ROCK2: variants seen among roughly 807,000 people sequenced by gnomAD.
ROCK2 encodes rho-associated protein kinase 2.
ROCK2 carries 61 observed loss-of-function variants against 195.1 expected under a neutral mutation model. The ratio of observed to expected loss-of-function variants is 0.31; its 90% CI spans 0.25 to 0.39. The LOEUF (loss-of-function observed/expected upper bound fraction) is 0.39. Among genes scored for constraint, ROCK2 ranks in the 10% least tolerant of loss-of-function variants. ROCK2 has a pLI of 1.00. For missense variants in ROCK2, 1,109 were observed against 1,637.4 expected, an observed-to-expected ratio of 0.68 and a Z score of 5.57; for synonymous variants, 504 against 545.5, an observed-to-expected ratio of 0.92 and a Z score of 1.06.
At chr2:11,238,057 G>A (rs958607085) in intron 4 of ROCK2, among the ~76,000 whole-genome samples, 2 of 152,220 alleles carry the variant, frequency 1.3e-5, no homozygotes, top group Admixed American at 1.3e-4. Flanking sequence ...CAGGCTGGGC[G>A]ACAGAGTGAG....
chr2:11,197,876 C>CTACT lies in ROCK2; in HGVS notation c.3100-175_3100-172dup, dbSNP rs1475654302. ...ATATTTAAATAATACACCTCCTTTACTACTCATCATCCTTCTCCATCCAAT... is the reference window on the plus strand; with the variant it reads ...ATATTTAAATAATACACCTCCTTTACTACTTACTCATCATCCTTCTCCATCCAAT... On this transcript the variant is annotated intron_variant, in intron 25 of 32. Transcript: ENST00000315872. The surrounding 1 kb of genome is among the most constrained non-coding windows in gnomAD (Gnocchi z 4.9). 2.0e-5 allele frequency among the ~76,000 whole-genome samples: 3 copies of CTACT among 152,186 alleles called. No homozygotes were observed. The highest frequency in any genetic ancestry group is 2.0e-4 in the Admixed American group (3 of 15,274).
At chr2:11,291,171 G>A (rs1208827542) in intron 1 of ROCK2, among the ~76,000 whole-genome samples, 1 of 152,166 alleles carries the variant, frequency 6.6e-6, no homozygotes, top group East Asian at 1.9e-4. Context: ...AACTTTTCCT[G>A]AACACAGAGC....
chr2:11,319,737 T>C (rs928508032), intron 1 of ROCK2, among the ~76,000 whole-genome samples: 1 of 152,140 alleles, frequency 6.6e-6, no homozygotes, highest in Non-Finnish European at 1.5e-5. Flanking sequence ...GGCTGTGGGT[T>C]TGTCATAAAT....
chr2:11,317,271 C>T (rs1668223655), intron 1 of ROCK2, among the ~76,000 whole-genome samples: 1 of 151,434 alleles, frequency 6.6e-6, no homozygotes, highest in African/African-American at 2.4e-5. Flanking sequence ...GATTAATTTA[C>T]CAATCAGAAG....
intron 5 of ROCK2, among the ~76,000 whole-genome samples, chr2:11,231,238 T>G (rs1664997792): frequency 6.6e-6 from 1 of 151,882 alleles, no homozygotes; most frequent in Admixed American, 6.6e-5. Flanking sequence ...GAGTCTCGCT[T>G]TGTCACCCAG....
At position 11,235,047 on chromosome 2, in the gene ROCK2, C is replaced by T. The variant is rs554128085; in HGVS notation, c.723+655G>A. 6.6e-6 allele frequency among the ~76,000 whole-genome samples: 1 copy of T among 152,196 alleles called. No homozygotes were observed. Among genetic ancestry groups the T allele is most frequent in the South Asian group, 2.1e-4 (1 of 4,828 alleles). Reference sequence around the variant, plus strand: ...GACTCCTAGGACCAACAGGGTAATACAAAGGAAACAGAACCGATCCCTCTC... The same window carrying T: ...GACTCCTAGGACCAACAGGGTAATATAAAGGAAACAGAACCGATCCCTCTC... On this transcript the variant is annotated intron_variant, in intron 5 of 32. Coordinates refer to ENST00000315872, the MANE Select transcript of ROCK2 (RefSeq NM_004850.5). The surrounding 1 kb of genome is among the most constrained non-coding windows in gnomAD (Gnocchi z 4.2).
chr2:11,192,172 C>A lies in ROCK2; in HGVS notation c.4139G>T (p.Arg1380Leu). ...CCTAGGTTTGTTTGGGGCAAGCTGT[C>A]GACTTGGCCGTCTAATAGACTGGTT... ...QQNQSIRRPS[R>L]QLAPNKPS The change falls in exon 32 of 33, where the codon CGA becomes CTA. Residue 1380 changes from arginine (R) to leucine (L), a missense_variant. By Grantham distance (102) the Arg-to-Leu change is moderately radical. Transcript: ENST00000315872. This position sits in a 1 kb window ranked among gnomAD's most constrained non-coding sequence, Gnocchi z 5.0. 6.2e-7 allele frequency: 1 copy of A among 1,608,558 alleles called. No homozygotes were observed. Among genetic ancestry groups the A allele is most frequent in the Non-Finnish European group, 8.5e-7 (1 of 1,177,648 alleles).
chr2:11,244,001 T>C (rs1034159329), intron 4 of ROCK2, among the ~76,000 whole-genome samples: 2 of 152,208 alleles, frequency 1.3e-5, no homozygotes, highest in Non-Finnish European at 2.9e-5. Flanking sequence ...TACCTAGCTG[T>C]GTGAAAGGAC....
intron 1 of ROCK2, among the ~76,000 whole-genome samples, chr2:11,328,901 A>T (rs1572414468): frequency 1.6e-5 from 2 of 125,852 alleles, no homozygotes; most frequent in South Asian, 2.9e-4. Flanking sequence ...GGAACATCAC[A>T]CTCTGGGGAC....
intron 20 of ROCK2, among the ~76,000 whole-genome samples, chr2:11,203,461 C>CT (rs1663937359): frequency 6.6e-6 from 1 of 151,400 alleles, no homozygotes; most frequent in Non-Finnish European, 1.5e-5. Context: ...TGAAGGAGAG[C>CT]TTACGTACTG....
chr2:11,234,961 T>A (rs1425256296), intron 5 of ROCK2, among the ~76,000 whole-genome samples: 1 of 152,046 alleles, frequency 6.6e-6, no homozygotes, highest in East Asian at 1.9e-4. Context: ...TGGAAAGTTA[T>A]AAAAAACATA....
Position 11,208,271 on chromosome 2 carries a change from T to C in ROCK2, c.2364+16A>G. ...TCATTAGTTTATTATTAATCATTAG[T>C]ACACTTAATACTTACATCCTCATTT... On this transcript the variant is annotated intron_variant, in intron 19 of 32. Transcript: ENST00000315872. 3 of 1,324,022 alleles carry C rather than the reference T, an allele frequency of 2.3e-6. No homozygotes were observed. The highest frequency in any genetic ancestry group is 2.5e-5 in the Admixed American group (1 of 40,164). The allele number at this position is 1,324,022 out of a possible 1,614,324, so 82.0% of individuals were successfully genotyped here. A position where few individuals can be genotyped will look rare whatever the true frequency, so the allele number is the denominator to read the frequency against.
intron 1 of ROCK2, among the ~76,000 whole-genome samples, chr2:11,289,849 G>C (rs139671396): frequency 6.6e-6 from 1 of 152,120 alleles, no homozygotes; most frequent in Non-Finnish European, 1.5e-5. Context: ...AGTAGAATAG[G>C]GTCAGAGAGC....
chr2:11,269,405 A>G (rs6713382), intron 3 of ROCK2, among the ~76,000 whole-genome samples: 119,023 of 151,734 alleles, frequency 0.78, 48,561 homozygotes, highest in East Asian at 0.94. Context: ...CTAGCTACTC[A>G]GGAGGCTGAG....
At chr2:11,223,251 A>G (rs1664697289) in intron 7 of ROCK2, among the ~76,000 whole-genome samples, 1 of 152,220 alleles carries the variant, frequency 6.6e-6, no homozygotes, top group Non-Finnish European at 1.5e-5. Flanking sequence ...CAAATGACTG[A>G]CAAATAAAAA....
intron 3 of ROCK2, among the ~76,000 whole-genome samples, chr2:11,273,094 C>CAAAAAAAAAAAAAAAAAAA (rs34784074): frequency 4.6e-5 from 1 of 21,758 alleles, no homozygotes; most frequent in Non-Finnish European, 8.9e-5. Context: ...AAATAAGGGT[C>CAAAAAAAAAAAAAAAAAAA]AAAAAAAAAA....
intron 5 of ROCK2, among the ~76,000 whole-genome samples, chr2:11,227,639 AAAG>A (rs1664861133): frequency 6.6e-6 from 1 of 152,232 alleles, no homozygotes; most frequent in Non-Finnish European, 1.5e-5. Flanking sequence ...TTCCTCAATG[AAAG>A]AAGAAAAAAG....
chr2:11,196,338 C>T (rs896933018), intron 27 of ROCK2, among the ~76,000 whole-genome samples: 5 of 152,162 alleles, frequency 3.3e-5, no homozygotes, highest in African/African-American at 9.7e-5. Flanking sequence ...TCCTTTGAAT[C>T]AGTCGAAGTA....
Position 11,207,709 on chromosome 2 carries a change from T to G in ROCK2, c.2549+17A>C, listed in dbSNP as rs1169980548. ...GGATAATTATGCATATTAAAACATC[T>G]CAATCAATTAACTTACTTTCGAAGT... On this transcript the variant is annotated intron_variant, in intron 20 of 32. Coordinates refer to ENST00000315872, the MANE Select transcript of ROCK2 (RefSeq NM_004850.5). 3 of 1,582,068 alleles carry G rather than the reference T, an allele frequency of 1.9e-6. No individual in the cohort carries two copies. The highest frequency in any genetic ancestry group is 2.3e-5 in the South Asian group (2 of 87,704).
Sources: gnomAD v4.1 joint callset for allele counts (sites outside exome capture counted in the v4.1 genomes callset) on GRCh38, gnomAD v4.1.1 for gene constraint, Gnocchi (gnomAD v3.1) non-coding constraint, MANE v1.5 for transcripts, NCBI Gene and HGNC (gene_info 2026-07-23, HGNC 2026-07-21) for gene names.